The following MFF variants were observed in gnomAD, a reference collection of about 807,000 sequenced individuals.
MFF encodes the protein mitochondrial fission factor.
A neutral mutation model predicts 36.9 loss-of-function variants in MFF; 12 were observed. The ratio of observed to expected loss-of-function variants is 0.33; its 90% CI spans 0.21 to 0.53. The LOEUF (loss-of-function observed/expected upper bound fraction) is 0.53. Ranked by LOEUF, MFF falls within the 20% of genes least tolerant of loss-of-function variation. MFF has a pLI of 0.95. For missense variants in MFF, 348 were observed against 366.6 expected, an observed-to-expected ratio of 0.95 and a Z score of 0.42; for synonymous variants, 99 against 126.2, an observed-to-expected ratio of 0.78 and a Z score of 1.44.
chr2:227,332,301 T>A, intron 3 of MFF, 118 bp from the exon 4 acceptor site: 1 of 784,522 alleles, frequency 1.3e-6, no homozygotes, highest in East Asian at 2.6e-5. Context: ...AAACTAATGC[T>A]TATTGGGTGG....
rs1174550579 is a variant in MFF, at chr2:227,332,436, T to C, written c.199T>C (p.Ser67Pro). Residue 67 changes from serine (S) to proline (P), a missense_variant, in exon 4 of 9, where the codon TCA becomes CCA. Ser to Pro is a moderately conservative substitution (Grantham distance 74). Transcript: ENST00000304593. ...IVVAGNNEDV[S>P]FSRPADLDLI... ...ACTCCTAGGAAATAATGAAGATGTTTCATTTTCAAGACCAGCAGATCTTGA... is the reference window on the plus strand; with the variant it reads ...ACTCCTAGGAAATAATGAAGATGTTCCATTTTCAAGACCAGCAGATCTTGA... 1.2e-6 allele frequency: 2 copies of C among 1,606,092 alleles called. No homozygotes were observed. Among genetic ancestry groups the C allele is most frequent in the Admixed American group, 3.5e-5 (2 of 57,540 alleles).
At chr2:227,331,779 A>G (rs1187992075) in intron 3 of MFF, among the ~76,000 whole-genome samples, 1 of 152,010 alleles carries the variant, frequency 6.6e-6, no homozygotes, top group Non-Finnish European at 1.5e-5. Flanking sequence ...CTTTTTGTCC[A>G]TTTATATATA....
intron 6 of MFF, chr2:227,352,157 A>AT (rs78545543): frequency 0.14 from 26,448 of 186,684 alleles, 1,899 homozygotes; most frequent in African/African-American, 0.19. Context: ...GGTGCTAGTG[A>AT]TTTTTTTTTT....
At chr2:227,348,500 G>A (rs2075825298) in intron 6 of MFF, among the ~76,000 whole-genome samples, 1 of 152,086 alleles carries the variant, frequency 6.6e-6, no homozygotes, top group South Asian at 2.1e-4. Flanking sequence ...GTGGGGAGGG[G>A]AATTATATAT....
At chr2:227,353,060 A>T (rs762190918) in intron 7 of MFF, among the ~76,000 whole-genome samples, 1 of 152,176 alleles carries the variant, frequency 6.6e-6, no homozygotes, top group Non-Finnish European at 1.5e-5. Context: ...GGGAAGGTAC[A>T]TATTTAGAAA....
intron 8 of MFF, among the ~76,000 whole-genome samples, chr2:227,356,486 G>A (rs1305767995): frequency 6.6e-6 from 1 of 152,098 alleles, no homozygotes; most frequent in African/African-American, 2.4e-5. Flanking sequence ...CATATCCCAA[G>A]GCCCCCTACA....
chr2:227,347,177 A>T, intron 5 of MFF, 49 bp from the exon 6 acceptor site: 2 of 1,568,710 alleles, frequency 1.3e-6, no homozygotes, highest in Non-Finnish European at 1.7e-6. Flanking sequence ...GTTTTATAAA[A>T]ATCTGACTTG....
intron 7 of MFF, among the ~76,000 whole-genome samples, chr2:227,353,385 G>A (rs1054752787): frequency 3.3e-5 from 5 of 152,136 alleles, no homozygotes; most frequent in African/African-American, 4.8e-5. Context: ...TGGCAGCATC[G>A]TTTCTGTGCT....
In MFF at chr2:227,339,065, G is replaced by A. The variant is rs190203874; in HGVS notation, c.352-1227G>A. Among the ~76,000 whole-genome samples the A allele has an allele frequency of 1.1e-4, 17 of 151,878 alleles. 1 individual carries two copies. The highest frequency in any genetic ancestry group is 2.9e-4 in the African/African-American group (12 of 41,420). On this transcript the variant is annotated intron_variant, in intron 4 of 8. Transcript: ENST00000304593. ...CAAAATACAAAAATTAGCCAGGTGCGGTGGTGTGTGCCTATAGTCCCAGCT... is the reference window on the plus strand; with the variant it reads ...CAAAATACAAAAATTAGCCAGGTGCAGTGGTGTGTGCCTATAGTCCCAGCT...
chr2:227,349,333 A>G (rs1010954291), intron 6 of MFF, among the ~76,000 whole-genome samples: 1 of 152,098 alleles, frequency 6.6e-6, no homozygotes, highest in Non-Finnish European at 1.5e-5. Context: ...CAAAAATCGT[A>G]TTAGTATAAA....
At chr2:227,336,667 G>A (rs1476282539) in intron 4 of MFF, among the ~76,000 whole-genome samples, 1 of 152,188 alleles carries the variant, frequency 6.6e-6, no homozygotes, top group African/African-American at 2.4e-5. Context: ...GCCAGAGCTG[G>A]AGGAGTAGAA....
chr2:227,355,935 A>T (rs2076233481), intron 8 of MFF, among the ~76,000 whole-genome samples, 174 bp downstream of exon 8: 1 of 152,220 alleles, frequency 6.6e-6, no homozygotes, highest in Non-Finnish European at 1.5e-5. Context: ...ACATGTTTTG[A>T]TCACCGTAAA....
intron 4 of MFF, among the ~76,000 whole-genome samples, chr2:227,333,785 C>T (rs1186519676): frequency 6.6e-6 from 1 of 152,196 alleles, no homozygotes; most frequent in Non-Finnish European, 1.5e-5. Context: ...AAATAATTGT[C>T]TTACAGTGAC....
At chr2:227,339,971 A>G (rs1454053010) in intron 4 of MFF, among the ~76,000 whole-genome samples, 1 of 152,252 alleles carries the variant, frequency 6.6e-6, no homozygotes, top group Non-Finnish European at 1.5e-5. Context: ...ATAAATAAGT[A>G]TATACCATAA....
rs2074005053 is a variant in MFF at position 227,325,320 on chromosome 2, C to T, written c.-260C>T. 1 of 159,566 alleles carries T rather than the reference C, an allele frequency of 6.3e-6. No homozygotes were observed. The highest frequency in any genetic ancestry group is 2.4e-5 in the African/African-American group (1 of 41,942). The allele number at this position is 159,566 out of a possible 1,614,324, so 9.9% of individuals were successfully genotyped here. A position where few individuals can be genotyped will look rare whatever the true frequency, so the allele number is the denominator to read the frequency against. ...TGCGGGCCGCTCCGCCGGTGCTGTC[C>T]CTGGGCGCCTCCGTGCTCTCAGCCA... On this transcript the variant is annotated 5_prime_UTR_variant, in exon 1 of 9. Coordinates refer to ENST00000304593, the MANE Select transcript of MFF (RefSeq NM_001277062.2).
rs772287325 is a variant in MFF at position 227,352,531 on chromosome 2, G to T, written c.617G>T (p.Gly206Val). The T allele has an allele frequency of 6.2e-7, 1 of 1,613,716 alleles. No individual in the cohort carries two copies. Among genetic ancestry groups the T allele is most frequent in the Non-Finnish European group, 8.5e-7 (1 of 1,179,760 alleles). The change falls in exon 7 of 9, where the codon GGG becomes GTG. Residue 206 changes from glycine to valine, a missense_variant. Gly to Val is a moderately radical substitution (Grantham distance 109, BLOSUM62 -3). Coordinates refer to ENST00000304593, the MANE Select transcript of MFF (RefSeq NM_001277062.2). ...DENRRPVLRGGSAAATSNPHH... is the reference protein window; with the variant it reads ...DENRRPVLRGVSAAATSNPHH... ...TGCCTTAGACCTGTGTTGCGTGGTGGGTCTGCTGCCGCCACTTCTAATCCT... is the reference window on the plus strand; with the variant it reads ...TGCCTTAGACCTGTGTTGCGTGGTGTGTCTGCTGCCGCCACTTCTAATCCT...
chr2:227,329,797 T>G lies in MFF; in HGVS notation c.-40-829T>G, dbSNP rs374828223. The G allele has an allele frequency of 5.4e-5, 80 of 1,483,544 alleles. No homozygotes were observed. In the African/African-American group the frequency reaches 1.6e-3, roughly 29 times the overall value. 91.9% of individuals were successfully genotyped at this position (1,483,544 alleles called of 1,614,324 possible). On this transcript the variant is annotated intron_variant, in intron 2 of 8. Coordinates refer to ENST00000304593, the MANE Select transcript of MFF (RefSeq NM_001277062.2). ...ATCACTAGGAAGGTCAGTGAAATTT[T>G]ATTCAGTTGAGCTGGTATTATAGGT...
At chr2:227,329,583 T>G in intron 2 of MFF, 1 of 509,100 alleles carries the variant, frequency 2.0e-6, no homozygotes. Context: ...GAAATACTGA[T>G]TTTTATTCTT....
chr2:227,339,900 T>C (rs916194265), intron 4 of MFF, among the ~76,000 whole-genome samples: 1 of 152,228 alleles, frequency 6.6e-6, no homozygotes, highest in Non-Finnish European at 1.5e-5. Context: ...AAGGTTTATT[T>C]ATAATACAGA....
Sources: gnomAD v4.1 joint callset for allele counts (sites outside exome capture counted in the v4.1 genomes callset) on GRCh38, gnomAD v4.1.1 for gene constraint, MANE v1.5 for transcripts, NCBI Gene and HGNC (gene_info 2026-07-23, HGNC 2026-07-21) for gene names.